CSMD1: variants seen among roughly 807,000 people sequenced by gnomAD.
The protein encoded by CSMD1 is CUB and sushi domain-containing protein 1.
A neutral mutation model predicts 417.5 loss-of-function variants in CSMD1; 213 were observed. The ratio of observed to expected loss-of-function variants is 0.51; its 90% confidence interval spans 0.46 to 0.57. The LOEUF (loss-of-function observed/expected upper bound fraction) is 0.57, where lower values mean the gene tolerates loss of function less well. Ranked by LOEUF, CSMD1 falls within the 20% of genes least tolerant of loss-of-function variation. CSMD1 has a pLI of 0.00. For synonymous variants in CSMD1, 2,862 were observed against 1,736.8 expected (o/e 1.65, Z -16.11); for missense variants, 6,923 against 4,529.7 (o/e 1.53, Z -15.17).
intron 1 of CSMD1, among the ~76,000 whole-genome samples, chr8:4,919,006 C>G (rs1051354013): frequency 1.2e-4 from 18 of 152,188 alleles, no homozygotes; most frequent in African/African-American, 4.3e-4. Flanking sequence ...ATACATGTAC[C>G]AAAAGATAAG....
chr8:4,807,975 C>G (rs998407503), intron 1 of CSMD1, among the ~76,000 whole-genome samples: 2 of 152,192 alleles, frequency 1.3e-5, no homozygotes, highest in African/African-American at 4.8e-5. Flanking sequence ...CTTGGAAAAA[C>G]TTCCCAAACA....
intron 6 of CSMD1, among the ~76,000 whole-genome samples, chr8:3,717,924 A>C (rs1563305695): frequency 6.6e-6 from 1 of 152,176 alleles, no homozygotes; most frequent in African/African-American, 2.4e-5. Context: ...AGAATTCTTT[A>C]GTCAAGGCTG....
intron 3 of CSMD1, among the ~76,000 whole-genome samples, chr8:4,160,009 G>C (rs1454355752): frequency 3.3e-5 from 5 of 151,758 alleles, no homozygotes. Context: ...CTGGTGATGG[G>C]TGCACCAAAA....
intron 26 of CSMD1, among the ~76,000 whole-genome samples, chr8:3,275,936 C>T (rs1206257461): frequency 6.6e-6 from 1 of 152,214 alleles, no homozygotes. Context: ...GCTTGTCAAA[C>T]TCTTTCTCTG....
intron 1 of CSMD1, among the ~76,000 whole-genome samples, chr8:4,731,388 C>T (rs987954204): frequency 4.6e-5 from 7 of 152,124 alleles, no homozygotes; most frequent in Admixed American, 3.9e-4. Context: ...CATTCCCCCA[C>T]CTGTGCAAGT....
At chr8:3,893,276 G>A (rs576028765) in intron 5 of CSMD1, among the ~76,000 whole-genome samples, 3 of 139,028 alleles carry the variant, frequency 2.2e-5, no homozygotes, top group Admixed American at 7.8e-5. Context: ...TATAAAACAA[G>A]TAATTTGTGA....
chr8:3,548,119 G>A (rs1421088470), intron 10 of CSMD1, among the ~76,000 whole-genome samples: 1 of 152,100 alleles, frequency 6.6e-6, no homozygotes, highest in East Asian at 1.9e-4. Context: ...GAAGAGCACT[G>A]ATAATTATTG....
chr8:4,827,370 G>C (rs748654207), intron 1 of CSMD1, among the ~76,000 whole-genome samples: 1 of 152,052 alleles, frequency 6.6e-6, no homozygotes, highest in Non-Finnish European at 1.5e-5. Context: ...AAAGCCCAGC[G>C]GCTGCTCGAG....
intron 3 of CSMD1, 90 bp from the exon 4 acceptor site, chr8:4,032,189 T>G (rs1797384119): frequency 3.4e-6 from 3 of 891,708 alleles, no homozygotes; most frequent in Non-Finnish European, 5.0e-6. Flanking sequence ...ATTTTTGAAT[T>G]ATTAAAATGA....
intron 7 of CSMD1, among the ~76,000 whole-genome samples, chr8:3,668,147 T>G (rs145134513): frequency 2.0e-5 from 3 of 152,142 alleles, no homozygotes; most frequent in Non-Finnish European, 2.9e-5. Flanking sequence ...AGATAACGAA[T>G]CTACAGGGGT....
intron 1 of CSMD1, among the ~76,000 whole-genome samples, chr8:4,786,248 C>T (rs569373211): frequency 1.1e-4 from 16 of 152,264 alleles, no homozygotes; most frequent in African/African-American, 3.6e-4. Flanking sequence ...TAAAAAATAT[C>T]CATTTAGGAC....
intron 2 of CSMD1, among the ~76,000 whole-genome samples, chr8:4,522,069 T>C (rs978982824): frequency 6.6e-6 from 1 of 152,158 alleles, no homozygotes; most frequent in East Asian, 1.9e-4. Flanking sequence ...CCAAATCTCA[T>C]CTAGAATTGT....
chr8:3,619,832 T>C (rs182770663), intron 7 of CSMD1, among the ~76,000 whole-genome samples: 1 of 152,228 alleles, frequency 6.6e-6, no homozygotes, highest in African/African-American at 2.4e-5. Context: ...ATATATTCAA[T>C]AGAATTTGTA....
At chr8:3,622,171 T>G (rs1358178276) in intron 7 of CSMD1, among the ~76,000 whole-genome samples, 1 of 152,202 alleles carries the variant, frequency 6.6e-6, no homozygotes, top group Non-Finnish European at 1.5e-5. Context: ...TGTAAATGCA[T>G]TTAGCTTTAA....
intron 1 of CSMD1, among the ~76,000 whole-genome samples, chr8:4,803,365 T>G (rs960021095): frequency 6.6e-6 from 1 of 152,316 alleles, no homozygotes. Context: ...TCAGTTACTA[T>G]TAACTACCAG....
intron 3 of CSMD1, among the ~76,000 whole-genome samples, chr8:4,247,212 T>G (rs1193891653): frequency 6.6e-6 from 1 of 152,154 alleles, no homozygotes; most frequent in African/African-American, 2.4e-5. Context: ...CTAGAACAAT[T>G]CCTGGAACAG....
At chr8:3,849,212 T>C (rs1344668982) in intron 5 of CSMD1, among the ~76,000 whole-genome samples, 1 of 152,030 alleles carries the variant, frequency 6.6e-6, no homozygotes, top group African/African-American at 2.4e-5. Flanking sequence ...GAATGGTTGA[T>C]GAGAAAATGA....
At chr8:4,675,855 G>C (rs893824680) in intron 1 of CSMD1, among the ~76,000 whole-genome samples, 2 of 152,068 alleles carry the variant, frequency 1.3e-5, no homozygotes, top group African/African-American at 2.4e-5. Context: ...AGTGTAGTAA[G>C]GTGCCTAATT....
chr8:4,111,478 A>G (rs1801851750), intron 3 of CSMD1, among the ~76,000 whole-genome samples: 1 of 152,240 alleles, frequency 6.6e-6, no homozygotes, highest in Non-Finnish European at 1.5e-5. Context: ...GAGTATGTTC[A>G]TTGCAGCACT....
Sources: allele counts gnomAD v4.1 joint callset (sites outside exome capture counted in the v4.1 genomes callset), GRCh38; gene constraint gnomAD v4.1.1; transcripts MANE v1.5; gene names NCBI Gene and HGNC (gene_info 2026-07-23, HGNC 2026-07-21).